The following NR1D2 variants were observed in gnomAD, a reference collection of about 807,000 sequenced individuals.
The protein encoded by NR1D2 is nuclear receptor subfamily 1 group D member 2.
In NR1D2, 25 loss-of-function variants were observed where a neutral mutation model predicts 52.2. The ratio of observed to expected loss-of-function variants is 0.48; its 90% confidence interval spans 0.35 to 0.67. NR1D2 has a LOEUF of 0.67. Ranked by LOEUF, NR1D2 falls within the 30% of genes least tolerant of loss-of-function variation. The pLI is 0.01. For missense variants in NR1D2, 681 were observed against 707.2 expected (o/e 0.96, Z 0.42); for synonymous variants, 259 against 230.1 (o/e 1.13, Z -1.14).
Position 23,974,791 on chromosome 3 carries a change from C to A in NR1D2, c.1544-2432C>A, listed in dbSNP as rs574894626. ...GTTTTGTCTGAAAAATTGTGACCCT[C>A]CCCCTACCCCCACAAACCAATATCC... On this transcript the variant is annotated intron_variant, in intron 7 of 7. Coordinates refer to ENST00000312521, the MANE Select transcript of NR1D2 (RefSeq NM_005126.5). Among the ~76,000 whole-genome samples the A allele has an allele frequency of 1.6e-4, 24 of 151,830 alleles. No individual in the cohort carries two copies. In the South Asian group the frequency reaches 4.8e-3, roughly 30 times the overall value.
intron 6 of NR1D2, among the ~76,000 whole-genome samples, chr3:23,966,954 C>T (rs929857859): frequency 7.9e-5 from 12 of 151,992 alleles, no homozygotes; most frequent in Non-Finnish European, 1.0e-4. Context: ...TCACTTGAGC[C>T]GGGGAGGTTC....
At chr3:23,949,403 T>G (rs1705864167) in intron 1 of NR1D2, among the ~76,000 whole-genome samples, 1 of 152,114 alleles carries the variant, frequency 6.6e-6, no homozygotes, top group Admixed American at 6.6e-5. Context: ...TTTATTTTTG[T>G]GTCACCCTAT....
At position 23,979,977 on chromosome 3, in the gene NR1D2, ATC is replaced by A. The variant is rs2125302446; in HGVS notation, c.*2562_*2563del. ...ATTTTTTTTCCTGTGCTTTTAATGT[ATC>A]TCTTTACATGATCTGAGAGAGGATT... is the stretch of plus-strand genomic sequence containing the variant. On this transcript the variant is annotated 3_prime_UTR_variant, in exon 8 of 8. Transcript: ENST00000312521. The A allele has an allele frequency of 6.6e-6, 1 of 152,254 alleles. No individual in the cohort carries two copies. The highest frequency in any genetic ancestry group is 1.9e-4 in the East Asian group (1 of 5,190). 9.4% of individuals were successfully genotyped at this position (152,254 alleles called of 1,614,324 possible).
At chr3:23,954,386 G>A in intron 1 of NR1D2, 151 bp from the exon 2 acceptor site, 1 of 680,462 alleles carries the variant, frequency 1.5e-6, no homozygotes, top group Non-Finnish European at 2.5e-6. Context: ...TGGGAAATAA[G>A]GAAATACTTT....
chr3:23,963,404 C>G, intron 5 of NR1D2: 7 of 1,236,846 alleles, frequency 5.7e-6, no homozygotes, highest in Non-Finnish European at 7.2e-6. Flanking sequence ...TTTGTTGTCA[C>G]TTGGAGTTAT....
intron 7 of NR1D2, among the ~76,000 whole-genome samples, chr3:23,973,531 C>T (rs1706645428): frequency 6.6e-6 from 1 of 152,146 alleles, no homozygotes; most frequent in East Asian, 1.9e-4. Flanking sequence ...ATGAATGCAG[C>T]TTACAGGACT....
Position 23,956,061 on chromosome 3 carries a change from G to A in NR1D2, c.308G>A (p.Cys103Tyr). 6.2e-7 allele frequency: 1 copy of A among 1,613,988 alleles called. No individual in the cohort carries two copies. The highest frequency in any genetic ancestry group is 8.5e-7 in the Non-Finnish European group (1 of 1,179,894). Residue 103 changes from cysteine to tyrosine, a missense_variant, in exon 3 of 8, where the codon TGT becomes TAT. Cys to Tyr is a radical substitution (Grantham distance 194). Coordinates refer to ENST00000312521, the MANE Select transcript of NR1D2 (RefSeq NM_005126.5). ...VTKFSGMVLLCKVCGDVASGF... is the reference protein window; with the variant it reads ...VTKFSGMVLLYKVCGDVASGF... ...GAATTTAGTGGCATGGTTCTACTGT[G>A]TAAAGTCTGTGGGGATGTGGCGTCA...
intron 1 of NR1D2, among the ~76,000 whole-genome samples, chr3:23,948,781 A>G (rs1036657007): frequency 2.6e-5 from 4 of 152,238 alleles, no homozygotes; most frequent in Admixed American, 2.0e-4. Context: ...ACTGTTAACT[A>G]CTGTGCTATA....
At chr3:23,968,352 G>A (rs2125295394) in intron 7 of NR1D2, among the ~76,000 whole-genome samples, 1 of 152,290 alleles carries the variant, frequency 6.6e-6, no homozygotes, top group Middle Eastern at 3.4e-3. Flanking sequence ...GTAGGTAGTT[G>A]TAATATGAAT....
intron 5 of NR1D2, chr3:23,963,417 G>C: frequency 1.6e-6 from 2 of 1,215,440 alleles, no homozygotes; most frequent in Non-Finnish European, 2.1e-6. Context: ...GGAGTTATTT[G>C]ATTCTGTGGA....
At chr3:23,963,453 T>C in intron 5 of NR1D2, 1 of 1,152,918 alleles carries the variant, frequency 8.7e-7, no homozygotes, top group Non-Finnish European at 1.1e-6. Context: ...AGTCGTTGCT[T>C]TTTTGTTTTT....
At chr3:23,973,767 C>G (rs1344068271) in intron 7 of NR1D2, among the ~76,000 whole-genome samples, 1 of 152,070 alleles carries the variant, frequency 6.6e-6, no homozygotes, top group Non-Finnish European at 1.5e-5. Context: ...TAGCTTAAAA[C>G]AACACATTGT....
rs976099541 is a variant in NR1D2 at position 23,954,619 on chromosome 3, C to T, written c.99C>T (p.Phe33=). ...SCHSEGSENS[F]QSSSSSVPSS... is the part of the protein sequence containing the mutation. ...ACAGTGAGGGTTCTGAGAATAGTTT[C>T]CAGTCCTCCTCCTCTTCTGTTCCAT... The change falls in exon 2 of 8, where the codon TTC becomes TTT. Residue 33 remains phenylalanine, a synonymous_variant. Coordinates refer to ENST00000312521, the MANE Select transcript of NR1D2 (RefSeq NM_005126.5). The T allele has an allele frequency of 1.2e-6, 2 of 1,613,916 alleles. No individual in the cohort carries two copies. The highest frequency in any genetic ancestry group is 1.7e-6 in the Non-Finnish European group (2 of 1,179,900).
At position 23,959,657 on chromosome 3, in the gene NR1D2, TC is replaced by T. The variant is rs761638716; in HGVS notation, c.373-12del. 4 of 1,604,870 alleles carry T rather than the reference TC, an allele frequency of 2.5e-6. No individual in the cohort carries two copies. Among genetic ancestry groups the T allele is most frequent in the Middle Eastern group, 1.7e-4 (1 of 5,930 alleles). ...TGTTTTTAAATGGGTAAGTAAATCT[TC>T]CTTTGTTCTTAGGGTTTCTTTCGGA... On this transcript the variant is annotated splice_polypyrimidine_tract_variant and intron_variant, in intron 3 of 7. Coordinates refer to ENST00000312521, the MANE Select transcript of NR1D2 (RefSeq NM_005126.5).
At position 23,969,663 on chromosome 3, in the gene NR1D2, G is replaced by T. The variant is rs140041440; in HGVS notation, c.1543+1640G>T. 2.4e-3 allele frequency among the ~76,000 whole-genome samples: 361 copies of T among 152,254 alleles called. 4 individuals are homozygous for T. Among genetic ancestry groups the T allele is most frequent in the South Asian group, 2.1e-3 (10 of 4,830 alleles). On this transcript the variant is annotated intron_variant, in intron 7 of 7. Transcript: ENST00000312521. ...TATGCCGTACCTATTAGGTGCTCAG[G>T]GGGAGACAGAAAGCTTTAAGGCACA...
At chr3:23,964,954 T>C in intron 5 of NR1D2, 23 bp from the exon 6 acceptor site, 1 of 1,521,620 alleles carries the variant, frequency 6.6e-7, no homozygotes, top group East Asian at 2.3e-5. Context: ...TATTTAAGAG[T>C]TTTTCCGTTT....
In NR1D2 at chr3:23,979,167, G is replaced by C. The variant is rs1253420513; in HGVS notation, c.*1748G>C. 2 of 151,928 alleles carry C rather than the reference G, an allele frequency of 1.3e-5. No individual in the cohort carries two copies. The highest frequency in any genetic ancestry group is 4.8e-5 in the African/African-American group (2 of 41,378). 9.4% of individuals were successfully genotyped at this position (151,928 alleles called of 1,614,324 possible). ...ATTTACTGTGGCACTAGTTAAGTAA[G>C]TTAAAAAAAAGTTAAACCCTCTCAT... On this transcript the variant is annotated 3_prime_UTR_variant, in exon 8 of 8. Coordinates refer to ENST00000312521, the MANE Select transcript of NR1D2 (RefSeq NM_005126.5).
At chr3:23,952,228 A>G (rs1357713222) in intron 1 of NR1D2, among the ~76,000 whole-genome samples, 2 of 152,224 alleles carry the variant, frequency 1.3e-5, no homozygotes, top group Non-Finnish European at 1.5e-5. Flanking sequence ...GGATTAATTA[A>G]GGTGAGATGC....
At chr3:23,963,228 G>A (rs1706334264) in intron 5 of NR1D2, 4 of 1,331,588 alleles carry the variant, frequency 3.0e-6, no homozygotes, top group African/African-American at 1.5e-5. Flanking sequence ...TCAAAGTACA[G>A]TGTTCATATT....
Sources: allele counts gnomAD v4.1 joint callset (sites outside exome capture counted in the v4.1 genomes callset), GRCh38; gene constraint gnomAD v4.1.1; transcripts MANE v1.5; gene names NCBI Gene and HGNC (gene_info 2026-07-23, HGNC 2026-07-21).